Variants in PTPRK observed in about 807,000 individuals in gnomAD.
PTPRK encodes the protein protein tyrosine phosphatase receptor type K, also known as receptor-type tyrosine-protein phosphatase kappa.
A neutral mutation model predicts 178.0 loss-of-function variants in PTPRK; 75 were observed. The ratio of observed to expected loss-of-function variants is 0.42; its 90% CI spans 0.35 to 0.51. The LOEUF (loss-of-function observed/expected upper bound fraction) is 0.51, where lower values mean the gene tolerates loss of function less well. Ranked by LOEUF, PTPRK falls within the 20% of genes least tolerant of loss-of-function variation. PTPRK has a pLI of 0.02. For missense variants in PTPRK, 1,441 were observed against 1,797.8 expected (o/e 0.80, Z 3.59); for synonymous variants, 637 against 620.6 (o/e 1.03, Z -0.39).
chr6:128,189,168 C>T (rs1420336932), intron 6 of PTPRK, among the ~76,000 whole-genome samples: 1 of 151,006 alleles, frequency 6.6e-6, no homozygotes, highest in Non-Finnish European at 1.5e-5. Context: ...AGTTTCTGAG[C>T]TGGGTCCAGA....
intron 1 of PTPRK, among the ~76,000 whole-genome samples, chr6:128,421,982 C>G (rs1843535126): frequency 6.6e-6 from 1 of 152,204 alleles, no homozygotes; most frequent in African/African-American, 2.4e-5. Flanking sequence ...AAAGGCTCAT[C>G]CACCTAAGAG....
At chr6:127,988,300 C>CTTTTTT (rs374249275) in intron 21 of PTPRK, among the ~76,000 whole-genome samples, 4 of 117,668 alleles carry the variant, frequency 3.4e-5, no homozygotes, top group Admixed American at 8.9e-5. Context: ...TTATGCTAAC[C>CTTTTTT]TTTTTTTTTT....
intron 6 of PTPRK, among the ~76,000 whole-genome samples, chr6:128,200,177 A>T (rs1805658015): frequency 6.6e-6 from 1 of 152,182 alleles, no homozygotes; most frequent in Non-Finnish European, 1.5e-5. Context: ...TACTGGAATC[A>T]TGCAAAGTTA....
intron 24 of PTPRK, among the ~76,000 whole-genome samples, chr6:127,982,243 C>A (rs1288895797): frequency 6.6e-6 from 1 of 152,114 alleles, no homozygotes; most frequent in African/African-American, 2.4e-5. Context: ...ACTAAATACA[C>A]ACAAATCACC....
intron 2 of PTPRK, among the ~76,000 whole-genome samples, chr6:128,356,505 C>G (rs1281976657): frequency 6.6e-6 from 1 of 152,134 alleles, no homozygotes; most frequent in African/African-American, 2.4e-5. Context: ...GAACTATTGG[C>G]AATTCTTCTG....
At chr6:127,997,491 G>A (rs1158036367) in intron 16 of PTPRK, among the ~76,000 whole-genome samples, 1 of 151,874 alleles carries the variant, frequency 6.6e-6, no homozygotes, top group Admixed American at 6.6e-5. Context: ...TCACAACAAG[G>A]GACCATATAA....
intron 1 of PTPRK, among the ~76,000 whole-genome samples, chr6:128,425,748 G>A (rs1844056302): frequency 6.6e-6 from 1 of 151,804 alleles, no homozygotes; most frequent in South Asian, 2.1e-4. Context: ...CACTTATCTG[G>A]GAAGCTTTCA....
chr6:128,007,929 C>A, intron 14 of PTPRK: 1 of 603,104 alleles, frequency 1.7e-6, no homozygotes, highest in Non-Finnish European at 2.7e-6. Context: ...ATACTTAAAA[C>A]TTTTGCCTCA....
At chr6:128,141,348 GA>G (rs771463011) in intron 7 of PTPRK, among the ~76,000 whole-genome samples, 1 of 151,500 alleles carries the variant, frequency 6.6e-6, no homozygotes, top group Non-Finnish European at 1.5e-5. Flanking sequence ...ACAAACACTA[GA>G]AAAAATATAT....
intron 7 of PTPRK, among the ~76,000 whole-genome samples, chr6:128,094,915 TGA>T (rs1204348210): frequency 2.0e-5 from 3 of 151,816 alleles, no homozygotes; most frequent in African/African-American, 7.3e-5. Context: ...GAGGATGCTC[TGA>T]GAGAGAGGGA....
intron 16 of PTPRK, among the ~76,000 whole-genome samples, chr6:127,998,123 T>G (rs1777369925): frequency 6.6e-6 from 1 of 152,066 alleles, no homozygotes. Flanking sequence ...GTATTTTGGT[T>G]TGAGTAGGAA....
At chr6:128,422,680 A>C in intron 1 of PTPRK, among the ~76,000 whole-genome samples, 1 of 138,640 alleles carries the variant, frequency 7.2e-6, no homozygotes, top group Admixed American at 6.9e-5. Context: ...CGGACGCAAA[A>C]AAAAAAAAAA....
At chr6:128,059,390 G>C (rs758730070) in intron 13 of PTPRK, among the ~76,000 whole-genome samples, 1 of 152,048 alleles carries the variant, frequency 6.6e-6, no homozygotes, top group Non-Finnish European at 1.5e-5. Flanking sequence ...AATTTTTAGA[G>C]ATACATTATA....
At chr6:128,427,447 TATCA>T (rs1196196771) in intron 1 of PTPRK, among the ~76,000 whole-genome samples, 1 of 152,174 alleles carries the variant, frequency 6.6e-6, no homozygotes, top group Non-Finnish European at 1.5e-5. Flanking sequence ...CTATCAACCC[TATCA>T]ATAAGCACAC....
chr6:128,096,655 G>A (rs541139947), intron 7 of PTPRK, among the ~76,000 whole-genome samples: 29 of 152,264 alleles, frequency 1.9e-4, no homozygotes, highest in African/African-American at 6.7e-4. Context: ...TGTCAAAGAT[G>A]TACACAAACT....
intron 7 of PTPRK, among the ~76,000 whole-genome samples, chr6:128,103,485 T>C (rs1366137620): frequency 1.3e-5 from 2 of 152,136 alleles, no homozygotes; most frequent in Non-Finnish European, 2.9e-5. Context: ...TAGTTGCTAC[T>C]GTGGGGCTAG....
At chr6:128,495,306 T>C (rs927204665) in intron 1 of PTPRK, among the ~76,000 whole-genome samples, 5 of 152,206 alleles carry the variant, frequency 3.3e-5, no homozygotes, top group East Asian at 1.9e-4. Flanking sequence ...CATATGTACA[T>C]AGATATATAC....
At chr6:128,256,654 T>C (rs994383189) in intron 3 of PTPRK, among the ~76,000 whole-genome samples, 5 of 151,646 alleles carry the variant, frequency 3.3e-5, no homozygotes, top group African/African-American at 1.2e-4. Context: ...GTCAGGATGG[T>C]CTCGATCTCC....
chr6:128,219,120 A>G, intron 5 of PTPRK, 24 bp from the exon 6 acceptor site: 1 of 1,580,166 alleles, frequency 6.3e-7, no homozygotes, highest in Non-Finnish European at 8.7e-7. Context: ...CCAATCTTTA[A>G]AAACAGGTTC....
Sources: gnomAD v4.1 joint callset for allele counts (sites outside exome capture counted in the v4.1 genomes callset) on GRCh38, gnomAD v4.1.1 for gene constraint, MANE v1.5 for transcripts, NCBI Gene and HGNC (gene_info 2026-07-23, HGNC 2026-07-21) for gene names.